Variants in SNX25 observed in about 807,000 individuals in gnomAD.
SNX25 encodes sorting nexin-25.
In SNX25, 62 loss-of-function variants were observed where a neutral mutation model predicts 113.7. The ratio of observed to expected loss-of-function variants is 0.55; its 90% CI spans 0.44 to 0.67. SNX25 has a LOEUF of 0.67. SNX25 is among the 30% of genes least tolerant of loss of function. The probability of loss-of-function intolerance (pLI) is 0.00; values close to 1 mark genes in which losing one functional copy is unlikely to be tolerated. For missense variants in SNX25, 1,014 were observed against 1,161.0 expected, an observed-to-expected ratio of 0.87 and a Z score of 1.84; for synonymous variants, 421 against 436.2, an observed-to-expected ratio of 0.97 and a Z score of 0.43.
intron 5 of SNX25, among the ~76,000 whole-genome samples, chr4:185,280,692 G>A (rs1750440954): frequency 6.6e-6 from 1 of 152,206 alleles, no homozygotes; most frequent in Non-Finnish European, 1.5e-5. Context: ...GCAGTAAAAT[G>A]TCATAATGAT....
chr4:185,227,680 C>T (rs1376161152), intron 1 of SNX25, among the ~76,000 whole-genome samples: 1 of 152,038 alleles, frequency 6.6e-6, no homozygotes, highest in Non-Finnish European at 1.5e-5. Flanking sequence ...GCCCTTTGTG[C>T]AGGTTTGGGA....
At chr4:185,233,747 AGT>A (rs1163388606) in intron 1 of SNX25, among the ~76,000 whole-genome samples, 5 of 152,144 alleles carry the variant, frequency 3.3e-5, no homozygotes, top group Non-Finnish European at 7.4e-5. Flanking sequence ...AATCAAATGG[AGT>A]GTGTTTTGTA....
chr4:185,239,152 T>C (rs1743115126), intron 1 of SNX25, among the ~76,000 whole-genome samples: 1 of 152,174 alleles, frequency 6.6e-6, no homozygotes, highest in Non-Finnish European at 1.5e-5. Context: ...AAAACGTACA[T>C]GCTTTTTCAT....
Position 185,323,784 on chromosome 4 carries a change from C to T in SNX25, c.1733C>T (p.Ser578Phe), listed in dbSNP as rs1224376710. The change falls in exon 9 of 19, where the codon TCC becomes TTC. Residue 578 changes from serine to phenylalanine, a missense_variant. Physicochemically the swap from Ser to Phe is radical, Grantham distance 155 (BLOSUM62 -2). Transcript: ENST00000652585. Reference sequence around the variant, plus strand: ...GAAAAACATGCCTCACAGATGATTTCCAACAAGGATGAGATGGTGAGTCAC... The same window carrying T: ...GAAAAACATGCCTCACAGATGATTTTCAACAAGGATGAGATGGTGAGTCAC... ...EEEKHASQMI[S>F]NKDEMGPRDE... is the part of the protein sequence containing the mutation. 1.9e-6 allele frequency: 3 copies of T among 1,612,962 alleles called. No homozygotes were observed. The East Asian group carries it at 6.7e-5, about 36-fold the overall frequency.
chr4:185,288,612 G>A (rs1751689879), intron 6 of SNX25, among the ~76,000 whole-genome samples: 1 of 133,582 alleles, frequency 7.5e-6, no homozygotes, highest in Non-Finnish European at 1.6e-5. Flanking sequence ...TTGTTGGGGG[G>A]TGGGGGGGTG....
chr4:185,371,886 G>T (rs535692026), downstream of SNX25, among the ~76,000 whole-genome samples: 3 of 152,008 alleles, frequency 2.0e-5, no homozygotes, highest in Non-Finnish European at 4.4e-5. Flanking sequence ...GCTCGGAGAG[G>T]GGGGAGACCT....
At position 185,327,562 on chromosome 4, in the gene SNX25, T is replaced by C. The variant is rs1012991822; in HGVS notation, c.1749+3762T>C. On this transcript the variant is annotated intron_variant, in intron 9 of 18. Coordinates refer to ENST00000652585, the MANE Select transcript of SNX25 (RefSeq NM_001378034.2). ...TTTTTTATATAAATTATCTTTTCTT[T>C]AATATCTTTTGCATAGCTAGGGGGT... Among the ~76,000 whole-genome samples, 4 of 152,206 alleles carry C rather than the reference T, an allele frequency of 2.6e-5. 1 individual carries two copies. Among genetic ancestry groups the C allele is most frequent in the African/African-American group, 9.6e-5 (4 of 41,462 alleles).
At chr4:185,372,436 G>A (rs896471798), downstream of SNX25, among the ~76,000 whole-genome samples, 9 of 152,190 alleles carry the variant, frequency 5.9e-5, no homozygotes, top group Non-Finnish European at 5.9e-5. Context: ...CATTTCAAGT[G>A]CTCAATAGCT....
At chr4:185,362,220 G>A in intron 17 of SNX25, 115 bp downstream of exon 17, 1 of 1,406,010 alleles carries the variant, frequency 7.1e-7, no homozygotes. Flanking sequence ...AAAAAAAAAA[G>A]GATCATACTC....
At chr4:185,373,103 T>C (rs777901832), downstream of SNX25, 6 of 1,579,244 alleles carry the variant, frequency 3.8e-6, no homozygotes, top group African/African-American at 1.3e-5. Flanking sequence ...AGTTTCATCA[T>C]TGTATTTGTG....
chr4:185,274,924 G>A (rs1299174039), intron 5 of SNX25, among the ~76,000 whole-genome samples: 1 of 152,184 alleles, frequency 6.6e-6, no homozygotes, highest in Admixed American at 6.5e-5. Flanking sequence ...CCATATTTAA[G>A]GCTGGGTGAC....
At chr4:185,222,121 A>T (rs1740001897) in intron 1 of SNX25, among the ~76,000 whole-genome samples, 1 of 139,894 alleles carries the variant, frequency 7.1e-6, no homozygotes, top group Non-Finnish European at 1.6e-5. Flanking sequence ...TAGCAGATAT[A>T]TAGCACCATA....
At chr4:185,252,313 T>A (rs1745783246) in intron 2 of SNX25, among the ~76,000 whole-genome samples, 1 of 152,124 alleles carries the variant, frequency 6.6e-6, no homozygotes, top group South Asian at 2.1e-4. Flanking sequence ...ATCTCTGGAG[T>A]GGTTTGATTT....
chr4:185,356,051 T>G (rs56728530), intron 15 of SNX25, among the ~76,000 whole-genome samples: 12 of 152,288 alleles, frequency 7.9e-5, no homozygotes, highest in Admixed American at 2.0e-4. Flanking sequence ...TCATATATAA[T>G]GAGATGTGAT....
intron 9 of SNX25, among the ~76,000 whole-genome samples, chr4:185,327,934 A>G (rs1333485013): frequency 6.6e-6 from 1 of 152,226 alleles, no homozygotes; most frequent in Non-Finnish European, 1.5e-5. Context: ...TGATCGATAA[A>G]TGCAAACAAA....
chr4:185,205,037 T>C (rs1382617484), upstream of SNX25, among the ~76,000 whole-genome samples: 6 of 152,250 alleles, frequency 3.9e-5, no homozygotes, highest in South Asian at 4.1e-4. Flanking sequence ...GTAGGAAATA[T>C]GGGTCTTACC....
At chr4:185,252,740 A>C (rs1053969613) in intron 2 of SNX25, among the ~76,000 whole-genome samples, 8 of 152,216 alleles carry the variant, frequency 5.3e-5, no homozygotes, top group Non-Finnish European at 1.2e-4. Flanking sequence ...GTTAGGATTT[A>C]AGTCTTTACA....
chr4:185,257,834 A>T (rs966117964), intron 2 of SNX25, among the ~76,000 whole-genome samples: 3 of 152,208 alleles, frequency 2.0e-5, no homozygotes, highest in Non-Finnish European at 4.4e-5. Flanking sequence ...GAAATCTTCC[A>T]AAGAAGGCGA....
intron 5 of SNX25, among the ~76,000 whole-genome samples, chr4:185,275,438 A>G (rs1307201227): frequency 6.6e-6 from 1 of 152,192 alleles, no homozygotes; most frequent in East Asian, 1.9e-4. Flanking sequence ...GGCATAATTA[A>G]TTAATTAATG....
Sources: allele counts gnomAD v4.1 joint callset (sites outside exome capture counted in the v4.1 genomes callset), GRCh38; gene constraint gnomAD v4.1.1; transcripts MANE v1.5; gene names NCBI Gene and HGNC (gene_info 2026-07-23, HGNC 2026-07-21).